The following NAV3 variants were observed in gnomAD, a reference collection of about 807,000 sequenced individuals.
The protein encoded by NAV3 is neuron navigator 3.
Under a neutral mutation model 244.7 loss-of-function variants are expected in NAV3, and 87 were observed. That is an observed-to-expected ratio of 0.36 (90% CI 0.30 to 0.42). NAV3 has a LOEUF of 0.42. Among genes scored for constraint, NAV3 ranks in the 20% least tolerant of loss-of-function variants. The pLI, the probability that NAV3 is intolerant of heterozygous loss-of-function variation, is 1.00. For synonymous variants in NAV3, 1,126 were observed against 1,042.2 expected (o/e 1.08, Z -1.55); for missense variants, 2,663 against 2,893.3 (o/e 0.92, Z 1.83).
At chr12:77,870,272 A>G (rs992465302) in intron 1 of NAV3, among the ~76,000 whole-genome samples, 4 of 151,438 alleles carry the variant, frequency 2.6e-5, no homozygotes, top group Admixed American at 2.6e-4. Flanking sequence ...GGCTGAGGCA[A>G]GAGTATTGCT....
chr12:78,138,532 C>A (rs167274), intron 19 of NAV3, among the ~76,000 whole-genome samples: 50,938 of 151,916 alleles, frequency 0.34, 8,823 homozygotes, highest in East Asian at 0.48. Context: ...CCAAACCACT[C>A]AGTTCACTGT....
At chr12:77,987,697 G>T (rs902614092) in intron 5 of NAV3, among the ~76,000 whole-genome samples, 5 of 151,940 alleles carry the variant, frequency 3.3e-5, no homozygotes, top group South Asian at 4.1e-4. Flanking sequence ...GGAGAACAAC[G>T]CAGTCTGTTT....
chr12:77,776,403 C>T (rs922303416), intron 2 of NAV3, among the ~76,000 whole-genome samples: 9 of 152,152 alleles, frequency 5.9e-5, no homozygotes, highest in Admixed American at 2.0e-4. Flanking sequence ...CAATTGAGAA[C>T]GTAACGAAGG....
chr12:77,755,532 CCTTTCCTTT>C (rs1436063932), intron 2 of NAV3, among the ~76,000 whole-genome samples: 23 of 37,536 alleles, frequency 6.1e-4, no homozygotes, highest in Non-Finnish European at 1.0e-3. Context: ...CCTTTCCTTT[CCTTTCCTTT>C]CCTTTCCTTT....
At chr12:77,906,767 G>A (rs1211099171) in intron 1 of NAV3, among the ~76,000 whole-genome samples, 2 of 152,122 alleles carry the variant, frequency 1.3e-5, no homozygotes, top group Non-Finnish European at 2.9e-5. Context: ...TCATATAAGA[G>A]TTTGGATGAA....
chr12:77,960,794 A>G (rs1891838308), intron 3 of NAV3, among the ~76,000 whole-genome samples: 1 of 147,190 alleles, frequency 6.8e-6, no homozygotes, highest in East Asian at 2.0e-4. Flanking sequence ...ATAAATATAC[A>G]ATACATATAT....
At chr12:77,815,105 T>C (rs1489681990) in intron 2 of NAV3, among the ~76,000 whole-genome samples, 1 of 152,230 alleles carries the variant, frequency 6.6e-6, no homozygotes, top group African/African-American at 2.4e-5. Flanking sequence ...GTTCTGGCTC[T>C]ATTCACTACA....
At chr12:78,087,069 A>G (rs1016070964) in intron 12 of NAV3, among the ~76,000 whole-genome samples, 1 of 151,946 alleles carries the variant, frequency 6.6e-6, no homozygotes, top group African/African-American at 2.4e-5. Context: ...ATTTTCTTTA[A>G]GCATCACTAG....
chr12:78,191,978 A>G (rs966619663), intron 34 of NAV3, among the ~76,000 whole-genome samples: 3 of 152,212 alleles, frequency 2.0e-5, no homozygotes, highest in East Asian at 3.8e-4. Context: ...GATCACTTAA[A>G]ATCGTTTTGA....
intron 2 of NAV3, among the ~76,000 whole-genome samples, chr12:77,659,164 G>T (rs1377031771): frequency 4.0e-5 from 6 of 151,724 alleles, no homozygotes; most frequent in African/African-American, 1.5e-4. Flanking sequence ...CCATCAGAGT[G>T]AACAGGCAAC....
intron 1 of NAV3, among the ~76,000 whole-genome samples, chr12:77,853,677 A>AT (rs1270882115): frequency 6.6e-6 from 1 of 152,182 alleles, no homozygotes; most frequent in Non-Finnish European, 1.5e-5. Context: ...TCTTATCTCT[A>AT]TTTAAAAAAA....
intron 2 of NAV3, among the ~76,000 whole-genome samples, chr12:77,673,227 TG>T (rs541393378): frequency 4.2e-4 from 64 of 152,292 alleles, no homozygotes; most frequent in Admixed American, 8.5e-4. Flanking sequence ...ACAATGAATT[TG>T]GCTTTACTAT....
At position 78,198,379 on chromosome 12, in the gene NAV3, G is replaced by A. The variant is rs553002266; in HGVS notation, c.6447-226G>A. Among the ~76,000 whole-genome samples the A allele has an allele frequency of 2.5e-4, 38 of 151,856 alleles. 1 individual carries two copies. The South Asian group carries it at 6.2e-3, about 25-fold the overall frequency. ...GTAAATTACAAATAAACTCAGGCTC[G>A]GAGAGAGAAAATGCCTTGCCTTGAT... is the stretch of plus-strand genomic sequence containing the variant. On this transcript the variant is annotated intron_variant, in intron 35 of 39. Transcript: ENST00000397909.
intron 2 of NAV3, among the ~76,000 whole-genome samples, chr12:77,789,027 AGTTAACAAAGACTCTTCT>A (rs1357410225): frequency 2.0e-4 from 31 of 152,218 alleles, no homozygotes; most frequent in Admixed American, 1.8e-3. Context: ...CAGCCTACTT[AGTTAACAAAGACTCTTCT>A]ACGTTCCTAA....
chr12:77,606,215 T>A (rs934352642), intron 2 of NAV3, among the ~76,000 whole-genome samples: 1 of 152,176 alleles, frequency 6.6e-6, no homozygotes, highest in South Asian at 2.1e-4. Flanking sequence ...ATAAGTTGGT[T>A]ATTTCAATCA....
At chr12:77,942,162 C>T (rs528548448) in intron 3 of NAV3, among the ~76,000 whole-genome samples, 14 of 152,258 alleles carry the variant, frequency 9.2e-5, no homozygotes, top group Admixed American at 5.9e-4. Flanking sequence ...GACCTGAGGT[C>T]GGGAGTTCGA....
chr12:77,778,029 C>T (rs1870457748), intron 2 of NAV3, among the ~76,000 whole-genome samples: 1 of 151,984 alleles, frequency 6.6e-6, no homozygotes. Flanking sequence ...TGGTTTCAAA[C>T]TCCCGACCTT....
At chr12:77,676,207 G>T (rs140316309) in intron 2 of NAV3, among the ~76,000 whole-genome samples, 2 of 151,856 alleles carry the variant, frequency 1.3e-5, no homozygotes, top group South Asian at 2.1e-4. Flanking sequence ...TTTAAGCTCC[G>T]CATGCTTTGG....
intron 26 of NAV3, among the ~76,000 whole-genome samples, chr12:78,176,714 T>G (rs2139670521): frequency 6.6e-6 from 1 of 152,210 alleles, no homozygotes; most frequent in African/African-American, 2.4e-5. Context: ...AAATCACAAT[T>G]AATGAAGTGT....
Sources: gnomAD v4.1 joint callset for allele counts (sites outside exome capture counted in the v4.1 genomes callset) on GRCh38, gnomAD v4.1.1 for gene constraint, MANE v1.5 for transcripts, NCBI Gene and HGNC (gene_info 2026-07-23, HGNC 2026-07-21) for gene names.